The following ROBO2 variants were observed in gnomAD, a reference collection of about 807,000 sequenced individuals.
ROBO2 encodes roundabout guidance receptor 2, also known as roundabout homolog 2.
Under a neutral mutation model 160.8 loss-of-function variants are expected in ROBO2, and 53 were observed. The ratio of observed to expected loss-of-function variants is 0.33; its 90% CI spans 0.26 to 0.41. ROBO2 has a LOEUF of 0.41. Among genes scored for constraint, ROBO2 ranks in the 10% least tolerant of loss-of-function variants. The probability of loss-of-function intolerance (pLI) is 1.00; values close to 1 mark genes in which losing one functional copy is unlikely to be tolerated. For synonymous variants in ROBO2, 664 were observed against 611.7 expected, an observed-to-expected ratio of 1.09 and a Z score of -1.26; for missense variants, 1,577 against 1,722.4, an observed-to-expected ratio of 0.92 and a Z score of 1.49.
At chr3:77,180,103 T>C (rs1333654012) in intron 2 of ROBO2, among the ~76,000 whole-genome samples, 1 of 152,030 alleles carries the variant, frequency 6.6e-6, no homozygotes, top group African/African-American at 2.4e-5. Flanking sequence ...TTCCCCCATG[T>C]TTAGTGTTGA....
rs566867275 is a variant in ROBO2 at position 76,900,886 on chromosome 3, C to A, written c.110-197128C>A. On this transcript the variant is annotated intron_variant, in intron 2 of 26. Coordinates refer to the ROBO2 transcript ENST00000487694. Reference sequence around the variant, plus strand: ...TTCCATCTGGTGTTTTACAGCAGCTCTGCTCACAGTTACTCTTAAAGGAAA... The same window carrying A: ...TTCCATCTGGTGTTTTACAGCAGCTATGCTCACAGTTACTCTTAAAGGAAA... 3.3e-5 allele frequency among the ~76,000 whole-genome samples: 5 copies of A among 152,296 alleles called. No individual in the cohort carries two copies. The South Asian group carries it at 1.0e-3, about 32-fold the overall frequency.
At chr3:76,902,854 T>G (rs1403437601) in intron 2 of ROBO2, among the ~76,000 whole-genome samples, 1 of 151,960 alleles carries the variant, frequency 6.6e-6, no homozygotes. Context: ...AAAAAGATCT[T>G]ATTTCATTAA....
chr3:77,192,240 T>C (rs2081921133), intron 2 of ROBO2, among the ~76,000 whole-genome samples: 1 of 152,314 alleles, frequency 6.6e-6, no homozygotes, highest in South Asian at 2.1e-4. Flanking sequence ...GTGTTCTGCC[T>C]TATGTGTATG....
At chr3:76,392,831 C>T (rs1007676113) in intron 2 of ROBO2, among the ~76,000 whole-genome samples, 1 of 152,034 alleles carries the variant, frequency 6.6e-6, no homozygotes, top group African/African-American at 2.4e-5. Context: ...GAATTTTGAT[C>T]ATCTTCACAA....
chr3:76,252,895 G>A (rs758873662), intron 2 of ROBO2, among the ~76,000 whole-genome samples: 20 of 151,640 alleles, frequency 1.3e-4, no homozygotes, highest in Non-Finnish European at 2.5e-4. Flanking sequence ...CTGGAAACTC[G>A]GGCAGCAGTT....
intron 2 of ROBO2, among the ~76,000 whole-genome samples, chr3:75,997,977 T>C (rs942195604): frequency 6.6e-6 from 1 of 152,164 alleles, no homozygotes; most frequent in African/African-American, 2.4e-5. Context: ...CAAAGTCTTA[T>C]GACATCTAAG....
chr3:77,562,068 A>G (rs1167805489), intron 9 of ROBO2, among the ~76,000 whole-genome samples: 1 of 151,842 alleles, frequency 6.6e-6, no homozygotes, highest in African/African-American at 2.4e-5. Flanking sequence ...GAGCCATTGC[A>G]CTCCAGCCTA....
chr3:77,202,964 T>A (rs1202878617), intron 2 of ROBO2, among the ~76,000 whole-genome samples: 1 of 152,198 alleles, frequency 6.6e-6, no homozygotes, highest in African/African-American at 2.4e-5. Context: ...CACAGTGTAT[T>A]TTAGCATGTA....
intron 2 of ROBO2, among the ~76,000 whole-genome samples, chr3:76,458,501 T>C (rs2106708842): frequency 6.6e-6 from 1 of 152,308 alleles, no homozygotes; most frequent in East Asian, 1.9e-4. Context: ...CACATTTTCC[T>C]GTCTTCTTCT....
At chr3:77,092,569 TAA>T (rs2070443563) in intron 1 of ROBO2, among the ~76,000 whole-genome samples, 1 of 147,142 alleles carries the variant, frequency 6.8e-6, no homozygotes, top group African/African-American at 2.5e-5. Context: ...TATATATTAT[TAA>T]TATATATTAT....
At chr3:76,028,582 G>A (rs901246413) in intron 2 of ROBO2, among the ~76,000 whole-genome samples, 3 of 151,596 alleles carry the variant, frequency 2.0e-5, no homozygotes, top group Admixed American at 1.3e-4. Flanking sequence ...AAAGAACTAG[G>A]GCATGCATTA....
intron 2 of ROBO2, among the ~76,000 whole-genome samples, chr3:76,984,539 G>C (rs570940816): frequency 1.3e-5 from 2 of 152,138 alleles, no homozygotes; most frequent in African/African-American, 4.8e-5. Context: ...GGTTCCAGGG[G>C]AGATAGAAGC....
exon 23 of ROBO2, chr3:77,622,371 C>G (rs763954208): frequency 1.2e-6 from 2 of 1,613,906 alleles, no homozygotes; most frequent in East Asian, 2.2e-5. Flanking sequence ...TCCCCAGGCC[C>G]CTGAGAGCAC....
chr3:77,609,209 C>T (rs1209592004), intron 21 of ROBO2, among the ~76,000 whole-genome samples: 1 of 151,952 alleles, frequency 6.6e-6, no homozygotes, highest in African/African-American at 2.4e-5. Context: ...TGTTATTTTA[C>T]TTCTTTTAAG....
intron 2 of ROBO2, among the ~76,000 whole-genome samples, chr3:76,036,510 T>C (rs1292555399): frequency 2.0e-5 from 3 of 151,654 alleles, no homozygotes; most frequent in Non-Finnish European, 4.4e-5. Flanking sequence ...TTCTCCCTTT[T>C]TTCTTTTTTT....
intron 5 of ROBO2, among the ~76,000 whole-genome samples, chr3:77,514,476 A>C (rs2089778243): frequency 1.3e-5 from 2 of 151,824 alleles, no homozygotes; most frequent in Non-Finnish European, 2.9e-5. Context: ...ATAAACACAC[A>C]CATCCAATAG....
intron 2 of ROBO2, among the ~76,000 whole-genome samples, chr3:76,984,292 C>T (rs1050644425): frequency 2.6e-5 from 4 of 152,190 alleles, no homozygotes; most frequent in Non-Finnish European, 5.9e-5. Flanking sequence ...CATCTAGTCT[C>T]TCTATTCACT....
intron 2 of ROBO2, among the ~76,000 whole-genome samples, chr3:76,028,776 C>G (rs1356223298): frequency 1.3e-5 from 2 of 151,858 alleles, no homozygotes; most frequent in African/African-American, 4.8e-5. Flanking sequence ...ATAACATAAG[C>G]TACTGACTAG....
At chr3:76,013,984 AT>A (rs1368696333) in intron 2 of ROBO2, among the ~76,000 whole-genome samples, 6 of 151,862 alleles carry the variant, frequency 4.0e-5, no homozygotes, top group African/African-American at 1.5e-4. Flanking sequence ...GTATAAAGGC[AT>A]TTGGAGGCTG....
Sources: allele counts gnomAD v4.1 joint callset (sites outside exome capture counted in the v4.1 genomes callset), GRCh38; gene constraint gnomAD v4.1.1; transcripts MANE v1.5; gene names NCBI Gene and HGNC (gene_info 2026-07-23, HGNC 2026-07-21).